RAD23B: variants seen among roughly 807,000 people sequenced by gnomAD.
The protein encoded by RAD23B is RAD23 nucleotide excision repair protein B.
Under a neutral mutation model 49.1 loss-of-function variants are expected in RAD23B, and 5 were observed. The ratio of observed to expected loss-of-function variants is 0.10; its 90% CI spans 0.05 to 0.21. The LOEUF (loss-of-function observed/expected upper bound fraction) is 0.21. Among genes scored for constraint, RAD23B ranks in the 10% least tolerant of loss-of-function variants. RAD23B has a pLI of 1.00. For synonymous variants in RAD23B, 184 were observed against 165.4 expected (o/e 1.11, Z -0.86); for missense variants, 356 against 486.7 (o/e 0.73, Z 2.53).
intron 4 of RAD23B, among the ~76,000 whole-genome samples, chr9:107,309,423 C>T (rs1300969099): frequency 6.6e-6 from 1 of 152,106 alleles, no homozygotes; most frequent in Admixed American, 6.5e-5. Flanking sequence ...TAACCATAAA[C>T]CAGACAAAAC....
At chr9:107,293,883 A>G (rs1209349789) in intron 1 of RAD23B, among the ~76,000 whole-genome samples, 1 of 152,236 alleles carries the variant, frequency 6.6e-6, no homozygotes, top group Non-Finnish European at 1.5e-5. Flanking sequence ...TCCTGGGCTC[A>G]GTCAATCCTT....
At chr9:107,323,782 C>A in intron 7 of RAD23B, 108 bp from the exon 8 acceptor site, 1 of 1,066,826 alleles carries the variant, frequency 9.4e-7, no homozygotes, top group Non-Finnish European at 1.4e-6. Context: ...CATCTGAGAA[C>A]TCAAATCATT....
intron 2 of RAD23B, 128 bp from the exon 3 acceptor site, chr9:107,301,907 G>C: frequency 7.7e-7 from 1 of 1,297,088 alleles, no homozygotes; most frequent in Non-Finnish European, 1.0e-6. Context: ...TTAACTGATA[G>C]AATTTATGTT....
chr9:107,291,451 C>A (rs1027107500), intron 1 of RAD23B, among the ~76,000 whole-genome samples: 8 of 152,126 alleles, frequency 5.3e-5, no homozygotes, highest in Non-Finnish European at 1.5e-5. Flanking sequence ...TGGATCATAA[C>A]CCCAGTTTGA....
At chr9:107,302,009 G>C in intron 2 of RAD23B, 26 bp from the exon 3 acceptor site, 1 of 1,604,734 alleles carries the variant, frequency 6.2e-7, no homozygotes, top group East Asian at 2.2e-5. Flanking sequence ...TGCCTTAAAT[G>C]ATTTTTTTTT....
intron 3 of RAD23B, among the ~76,000 whole-genome samples, chr9:107,303,520 C>G (rs1341673807): frequency 6.6e-6 from 1 of 152,102 alleles, no homozygotes; most frequent in Non-Finnish European, 1.5e-5. Flanking sequence ...TTTTATTCAA[C>G]TGTGGTAAAA....
chr9:107,287,234 A>AT (rs1833289153), intron 1 of RAD23B, among the ~76,000 whole-genome samples: 2 of 69,168 alleles, frequency 2.9e-5, no homozygotes, highest in East Asian at 5.1e-4. Context: ...ACCTTTTGAG[A>AT]TAAAAAAAAT....
chr9:107,324,717 A>T, intron 8 of RAD23B, 117 bp from the exon 9 acceptor site: 1 of 1,034,624 alleles, frequency 9.7e-7, no homozygotes, highest in Non-Finnish European at 1.3e-6. Context: ...ATCCAGAATC[A>T]CTAAATTACG....
chr9:107,301,588 G>T (rs1414660130), intron 2 of RAD23B, among the ~76,000 whole-genome samples: 1 of 152,126 alleles, frequency 6.6e-6, no homozygotes, highest in Non-Finnish European at 1.5e-5. Flanking sequence ...ACCCAAGCTG[G>T]AGTGCAGTGG....
At chr9:107,311,660 T>G in intron 4 of RAD23B, 22 bp from the exon 5 acceptor site, 1 of 1,555,040 alleles carries the variant, frequency 6.4e-7, no homozygotes, top group Non-Finnish European at 8.7e-7. Flanking sequence ...TAAAATGTGA[T>G]TTTTCTAAAA....
At chr9:107,312,134 A>AC (rs1288126985) in intron 5 of RAD23B, among the ~76,000 whole-genome samples, 1 of 152,260 alleles carries the variant, frequency 6.6e-6, no homozygotes, top group Non-Finnish European at 1.5e-5. Context: ...ATGGCACTAT[A>AC]CATTCCCATC....
chr9:107,332,123 A>G lies in RAD23B; in HGVS notation c.*2467A>G, dbSNP rs1564256192. ...TGTTTAAAAATACGGAAGTGTTCCA[A>G]TATAATTTTTTCCTGTACTGGATGG... On this transcript the variant is annotated 3_prime_UTR_variant, in exon 10 of 10. Transcript: ENST00000358015. The G allele has an allele frequency of 5.1e-6, 1 of 196,508 alleles. No homozygotes were observed. The highest frequency in any genetic ancestry group is 1.8e-4 in the South Asian group (1 of 5,562). The allele number at this position is 196,508 out of a possible 1,614,324, so 12.2% of individuals were successfully genotyped here.
intron 9 of RAD23B, among the ~76,000 whole-genome samples, chr9:107,327,580 T>G (rs891811475): frequency 6.6e-6 from 1 of 152,234 alleles, no homozygotes; most frequent in Non-Finnish European, 1.5e-5. Flanking sequence ...TTCCCACATT[T>G]TCTCCTTTCG....
intron 1 of RAD23B, among the ~76,000 whole-genome samples, chr9:107,294,863 A>G (rs1826466692): frequency 1.3e-5 from 2 of 152,290 alleles, no homozygotes; most frequent in South Asian, 2.1e-4. Flanking sequence ...AGGGCTGGCC[A>G]GGGAGGAGGA....
At chr9:107,324,039 C>T in intron 8 of RAD23B, 22 bp downstream of exon 8, 1 of 1,610,402 alleles carries the variant, frequency 6.2e-7, no homozygotes, top group Non-Finnish European at 8.5e-7. Context: ...GTGTCAGTTT[C>T]ACAAGTGATT....
At chr9:107,322,873 AAG>A (rs1212867458) in intron 7 of RAD23B, among the ~76,000 whole-genome samples, 8 of 152,168 alleles carry the variant, frequency 5.3e-5, no homozygotes, top group Non-Finnish European at 8.8e-5. Flanking sequence ...TGGGAGTGGA[AAG>A]AGATGACCAC....
chr9:107,306,073 C>CATA (rs1564245561), intron 3 of RAD23B, among the ~76,000 whole-genome samples: 7,432 of 63,276 alleles, frequency 0.12, 360 homozygotes, highest in Middle Eastern at 0.23. Flanking sequence ...ATATATATAT[C>CATA]TATATATCTA....
Position 107,309,113 on chromosome 9 carries a change from A to G in RAD23B, c.497+2466A>G, listed in dbSNP as rs143878787. 1.5e-3 allele frequency among the ~76,000 whole-genome samples: 231 copies of G among 152,352 alleles called. 1 individual carries two copies. The highest frequency in any genetic ancestry group is 5.2e-3 in the African/African-American group (215 of 41,588). ...ACCTGTGGTTTATTCGTAGTAGAGA[A>G]CAGGACTACTCAAAGTGTGGTAGTC... On this transcript the variant is annotated intron_variant, in intron 4 of 9. Transcript: ENST00000358015.
At chr9:107,302,751 G>T (rs1295428656) in intron 3 of RAD23B, among the ~76,000 whole-genome samples, 1 of 151,876 alleles carries the variant, frequency 6.6e-6, no homozygotes, top group Non-Finnish European at 1.5e-5. Flanking sequence ...TGTCTCCCGG[G>T]TTCATGCCAT....
Sources: allele counts gnomAD v4.1 joint callset (sites outside exome capture counted in the v4.1 genomes callset), GRCh38; gene constraint gnomAD v4.1.1; transcripts MANE v1.5; gene names NCBI Gene and HGNC (gene_info 2026-07-23, HGNC 2026-07-21).